ROBO2: variants seen among roughly 807,000 people sequenced by gnomAD.
ROBO2 encodes the protein roundabout homolog 2.
Under a neutral mutation model 160.8 loss-of-function variants are expected in ROBO2, and 53 were observed. The ratio of observed to expected loss-of-function variants is 0.33; its 90% CI spans 0.26 to 0.41. The LOEUF (loss-of-function observed/expected upper bound fraction) is 0.41. ROBO2 is among the 10% of genes least tolerant of loss of function. The pLI is 1.00. For missense variants in ROBO2, 1,577 were observed against 1,722.4 expected (o/e 0.92, Z 1.49); for synonymous variants, 664 against 611.7 (o/e 1.09, Z -1.26).
At chr3:76,948,579 A>ATT (rs757654181) in intron 2 of ROBO2, among the ~76,000 whole-genome samples, 1,007 of 93,640 alleles carry the variant, frequency 0.011, 55 homozygotes, top group African/African-American at 0.039. Context: ...TTATAATCTA[A>ATT]TTTTTTTTTT....
intron 4 of ROBO2, among the ~76,000 whole-genome samples, chr3:77,487,901 A>G (rs2085570534): frequency 3.3e-5 from 5 of 152,210 alleles, no homozygotes. Flanking sequence ...GTGATTGACA[A>G]TTTTAAAGCC....
At chr3:76,813,991 A>T (rs1305593718) in intron 2 of ROBO2, among the ~76,000 whole-genome samples, 1 of 152,176 alleles carries the variant, frequency 6.6e-6, no homozygotes, top group African/African-American at 2.4e-5. Flanking sequence ...AGTATAAGAA[A>T]GTCATTCCAA....
intron 2 of ROBO2, among the ~76,000 whole-genome samples, chr3:76,169,265 A>G (rs1227733681): frequency 1.3e-5 from 2 of 152,174 alleles, no homozygotes; most frequent in Non-Finnish European, 2.9e-5. Flanking sequence ...CTGGATAATC[A>G]AAGAAGTGTC....
At position 76,669,771 on chromosome 3, in the gene ROBO2, C is replaced by G. The variant is rs77941050; in HGVS notation, c.110-428243C>G. ...CTCTTAAGAGCAGAATTAACCATTA[C>G]TATTGCTGCTCGCAATATTTATTAA... is the stretch of plus-strand genomic sequence containing the variant. On this transcript the variant is annotated intron_variant, in intron 2 of 26. Coordinates refer to the ROBO2 transcript ENST00000487694. 8.8e-4 allele frequency among the ~76,000 whole-genome samples: 134 copies of G among 152,300 alleles called. 2 individuals are homozygous for G. The highest frequency in any genetic ancestry group is 3.1e-3 in the African/African-American group (129 of 41,574).
chr3:76,572,212 C>T (rs1243610256), intron 2 of ROBO2, among the ~76,000 whole-genome samples: 2 of 152,032 alleles, frequency 1.3e-5, no homozygotes, highest in East Asian at 3.9e-4. Flanking sequence ...AAAACTGAAG[C>T]ACAGACAGGT....
At chr3:77,529,711 A>G (rs1013941262) in intron 6 of ROBO2, among the ~76,000 whole-genome samples, 1 of 151,860 alleles carries the variant, frequency 6.6e-6, no homozygotes, top group African/African-American at 2.4e-5. Context: ...TTAAATTCCC[A>G]TTGGACTGGA....
At chr3:76,204,534 A>G (rs1702708729) in intron 2 of ROBO2, among the ~76,000 whole-genome samples, 1 of 152,176 alleles carries the variant, frequency 6.6e-6, no homozygotes, top group Non-Finnish European at 1.5e-5. Context: ...TATCCTTCTA[A>G]TCAACTATTA....
chr3:77,124,225 G>A (rs2075098127), intron 2 of ROBO2, among the ~76,000 whole-genome samples: 1 of 152,128 alleles, frequency 6.6e-6, no homozygotes, highest in African/African-American at 2.4e-5. Flanking sequence ...ATATGAGTTA[G>A]AGGAGGTGAT....
Position 77,277,248 on chromosome 3 carries a change from C to T in ROBO2, c.388+178908C>T, listed in dbSNP as rs560441607. On this transcript the variant is annotated intron_variant, in intron 2 of 25. Transcript: ENST00000461745. Reference sequence around the variant, plus strand: ...CTTTCTTGTCTTTCTTTCTTTCTTTCTTTCTTGTCTTTCTGTCTTTCTTTT... The same window carrying T: ...CTTTCTTGTCTTTCTTTCTTTCTTTTTTTCTTGTCTTTCTGTCTTTCTTTT... Among the ~76,000 whole-genome samples the T allele has an allele frequency of 8.5e-4, 116 of 136,896 alleles. 1 individual carries two copies. Among genetic ancestry groups the T allele is most frequent in the African/African-American group, 3.0e-3 (110 of 36,760 alleles). 89.8% of individuals were successfully genotyped at this position (136,896 alleles called of 152,430 possible).
At chr3:76,568,865 A>G (rs1448939320) in intron 2 of ROBO2, among the ~76,000 whole-genome samples, 1 of 152,154 alleles carries the variant, frequency 6.6e-6, no homozygotes, top group Non-Finnish European at 1.5e-5. Context: ...TCTATGTTCT[A>G]CTAAATGATG....
intron 2 of ROBO2, among the ~76,000 whole-genome samples, chr3:76,057,227 C>A (rs549433885): frequency 6.6e-6 from 1 of 152,270 alleles, no homozygotes; most frequent in African/African-American, 2.4e-5. Flanking sequence ...CCACCCACAG[C>A]CTGCAGTGCC....
At position 76,873,244 on chromosome 3, in the gene ROBO2, C is replaced by T. The variant is rs570842520; in HGVS notation, c.110-224770C>T. On this transcript the variant is annotated intron_variant, in intron 2 of 26. Coordinates refer to the ROBO2 transcript ENST00000487694. ...ATGTGCTCTAGGGCAAGGAAAAAAG[C>T]TTCATAAATATTTTAATTATTTCAG... is the stretch of plus-strand genomic sequence containing the variant. Among the ~76,000 whole-genome samples the T allele has an allele frequency of 2.6e-5, 4 of 152,180 alleles. No homozygotes were observed. In the East Asian group the frequency reaches 7.7e-4, roughly 29 times the overall value.
At chr3:77,485,315 T>A (rs1393273822) in intron 4 of ROBO2, among the ~76,000 whole-genome samples, 3 of 152,212 alleles carry the variant, frequency 2.0e-5, no homozygotes, top group Admixed American at 6.5e-5. Flanking sequence ...TGAAATAATA[T>A]TTTTGCTCAG....
chr3:76,182,215 C>G lies in ROBO2; in HGVS notation c.109+244613C>G, dbSNP rs577298671. Among the ~76,000 whole-genome samples the G allele has an allele frequency of 8.5e-5, 13 of 152,226 alleles. No homozygotes were observed. The South Asian group carries it at 2.7e-3, about 32-fold the overall frequency. ...CATAACCAGTTTACATTGGCCTTTT[C>G]TGGTCAATTTGTTTGTGCAATTGTT... On this transcript the variant is annotated intron_variant, in intron 2 of 26. Coordinates refer to the ROBO2 transcript ENST00000487694.
chr3:77,325,801 T>TAAC (rs34539343), intron 2 of ROBO2, among the ~76,000 whole-genome samples: 61,655 of 151,790 alleles, frequency 0.41, 14,080 homozygotes, highest in African/African-American at 0.62. Flanking sequence ...CATCCAATTC[T>TAAC]AACAGTTTCA....
chr3:77,636,423 C>G (rs1348001242), intron 24 of ROBO2, among the ~76,000 whole-genome samples: 2 of 152,022 alleles, frequency 1.3e-5, no homozygotes, highest in Non-Finnish European at 2.9e-5. Flanking sequence ...GAAACCCCCT[C>G]TCTACTAAAA....
At chr3:77,224,151 T>C (rs1283026097) in intron 2 of ROBO2, among the ~76,000 whole-genome samples, 1 of 152,014 alleles carries the variant, frequency 6.6e-6, no homozygotes, top group African/African-American at 2.4e-5. Context: ...TCTAACATTG[T>C]CTATTAATGT....
chr3:76,915,360 G>A (rs1240303840), intron 2 of ROBO2, among the ~76,000 whole-genome samples: 1 of 151,960 alleles, frequency 6.6e-6, no homozygotes, highest in Admixed American at 6.6e-5. Flanking sequence ...GTGAAAAAGA[G>A]CTTAAAGATT....
At chr3:76,011,057 A>G (rs974875200) in intron 2 of ROBO2, among the ~76,000 whole-genome samples, 1 of 152,212 alleles carries the variant, frequency 6.6e-6, no homozygotes, top group African/African-American at 2.4e-5. Context: ...GTTTCAAGAT[A>G]TAACCTTGAA....
Sources: allele counts gnomAD v4.1 joint callset (sites outside exome capture counted in the v4.1 genomes callset), GRCh38; gene constraint gnomAD v4.1.1; transcripts MANE v1.5; gene names NCBI Gene and HGNC (gene_info 2026-07-23, HGNC 2026-07-21).